Variants in ARHGAP15 observed in about 807,000 individuals in gnomAD.
ARHGAP15 encodes rho GTPase-activating protein 15.
A neutral mutation model predicts 63.7 loss-of-function variants in ARHGAP15; 51 were observed. That is an observed-to-expected ratio of 0.80 (90% confidence interval 0.64 to 1.01). ARHGAP15 has a LOEUF of 1.01. Among genes scored for constraint, ARHGAP15 ranks in the 50% least tolerant of loss-of-function variants. The pLI is 0.00. For missense variants in ARHGAP15, 560 were observed against 564.6 expected, an observed-to-expected ratio of 0.99 and a Z score of 0.08; for synonymous variants, 191 against 193.8, an observed-to-expected ratio of 0.99 and a Z score of 0.12.
intron 8 of ARHGAP15, among the ~76,000 whole-genome samples, chr2:143,442,923 A>T (rs72853734): frequency 0.09 from 13,648 of 152,240 alleles, 724 homozygotes; most frequent in African/African-American, 0.15. Flanking sequence ...AATATAAGTT[A>T]CATTAAGACC....
chr2:143,661,376 G>C (rs1308190653), intron 12 of ARHGAP15, among the ~76,000 whole-genome samples: 1 of 152,098 alleles, frequency 6.6e-6, no homozygotes, highest in Non-Finnish European at 1.5e-5. Flanking sequence ...ATAAACACTT[G>C]AAATGTGACA....
chr2:143,767,041 T>C (rs764517583), intron 13 of ARHGAP15, among the ~76,000 whole-genome samples: 6 of 152,200 alleles, frequency 3.9e-5, no homozygotes, highest in South Asian at 4.1e-4. Context: ...TTTTCTACAC[T>C]CTTATTTCCC....
At chr2:143,278,028 T>A (rs1681649712) in intron 6 of ARHGAP15, among the ~76,000 whole-genome samples, 1 of 152,180 alleles carries the variant, frequency 6.6e-6, no homozygotes, top group Non-Finnish European at 1.5e-5. Flanking sequence ...TTTATATTTT[T>A]TAAAATCCCA....
At chr2:143,206,023 A>G (rs527632281) in intron 3 of ARHGAP15, among the ~76,000 whole-genome samples, 3 of 152,130 alleles carry the variant, frequency 2.0e-5, no homozygotes, top group South Asian at 2.1e-4. Context: ...ATGGTCCCCA[A>G]TTTACGTTAT....
intron 12 of ARHGAP15, among the ~76,000 whole-genome samples, chr2:143,645,858 C>G (rs975453936): frequency 6.6e-6 from 1 of 152,040 alleles, no homozygotes; most frequent in Non-Finnish European, 1.5e-5. Flanking sequence ...TACATAATCT[C>G]TCTTGCAGAA....
chr2:143,132,248 C>T (rs186828926), intron 1 of ARHGAP15, among the ~76,000 whole-genome samples: 23 of 152,172 alleles, frequency 1.5e-4, no homozygotes, highest in African/African-American at 5.1e-4. Flanking sequence ...TGTTGGCAAA[C>T]GATAGAAAAT....
intron 6 of ARHGAP15, among the ~76,000 whole-genome samples, chr2:143,321,629 C>G (rs188474571): frequency 1.6e-3 from 241 of 152,308 alleles, no homozygotes; most frequent in Middle Eastern, 3.4e-3. Flanking sequence ...GGGCCTGGGC[C>G]CCATAATCTG....
At position 143,392,764 on chromosome 2, in the gene ARHGAP15, T is replaced by A. The variant is rs187538411; in HGVS notation, c.475-42837T>A. Among the ~76,000 whole-genome samples the A allele has an allele frequency of 1.3e-3, 200 of 152,320 alleles. 1 individual carries two copies. The highest frequency in any genetic ancestry group is 4.6e-3 in the African/African-American group (192 of 41,584). ...TTTTGGGAGTATAGAAAAAATTCTG[T>A]ACAGTACATATGTCTCTAATGATAT... On this transcript the variant is annotated intron_variant, in intron 6 of 13. Transcript: ENST00000295095.
intron 13 of ARHGAP15, among the ~76,000 whole-genome samples, chr2:143,724,183 A>G (rs569928260): frequency 6.6e-6 from 1 of 152,238 alleles, no homozygotes; most frequent in African/African-American, 2.4e-5. Context: ...CTTACATTAA[A>G]TCCAGTAGCT....
chr2:143,486,997 T>G (rs1692355386), intron 8 of ARHGAP15, among the ~76,000 whole-genome samples: 3 of 152,208 alleles, frequency 2.0e-5, no homozygotes, highest in African/African-American at 7.2e-5. Flanking sequence ...ATAATCATAT[T>G]TAATTGAAAT....
intron 6 of ARHGAP15, among the ~76,000 whole-genome samples, chr2:143,350,217 A>G (rs575309116): frequency 1.3e-5 from 2 of 152,220 alleles, no homozygotes; most frequent in East Asian, 3.9e-4. Flanking sequence ...AATTTTCAGC[A>G]TATTTTTTAA....
chr2:143,351,480 CCT>C (rs1299700992), intron 6 of ARHGAP15: 1 of 152,070 alleles, frequency 6.6e-6, no homozygotes, highest in East Asian at 1.9e-4. Context: ...TCAAATTCCA[CCT>C]TCATTAAGCA....
intron 2 of ARHGAP15, among the ~76,000 whole-genome samples, chr2:143,194,238 A>G (rs896968362): frequency 2.0e-5 from 3 of 152,202 alleles, no homozygotes; most frequent in African/African-American, 4.8e-5. Context: ...TATTTTAAAT[A>G]TAACATATGA....
chr2:143,477,845 G>A (rs1691896543), intron 8 of ARHGAP15, among the ~76,000 whole-genome samples: 1 of 152,208 alleles, frequency 6.6e-6, no homozygotes, highest in South Asian at 2.1e-4. Flanking sequence ...GAAGCAACCA[G>A]GAACAAAACA....
intron 13 of ARHGAP15, among the ~76,000 whole-genome samples, chr2:143,711,604 G>A (rs575391735): frequency 1.8e-3 from 274 of 152,302 alleles, no homozygotes; most frequent in African/African-American, 6.3e-3. Context: ...AAATTGTGAA[G>A]AATACCATAC....
At chr2:143,162,394 G>T (rs1318802426) in intron 2 of ARHGAP15, 1 of 151,994 alleles carries the variant, frequency 6.6e-6, no homozygotes, top group Non-Finnish European at 1.5e-5. Context: ...GTACAGAGAC[G>T]AAGGCACACT....
chr2:143,450,683 A>C (rs1042607684), intron 8 of ARHGAP15, among the ~76,000 whole-genome samples: 1 of 151,976 alleles, frequency 6.6e-6, no homozygotes, highest in Non-Finnish European at 1.5e-5. Context: ...TTTATAGAAA[A>C]TCAGAGGAAC....
At chr2:143,367,711 T>C (rs1195658069) in intron 6 of ARHGAP15, among the ~76,000 whole-genome samples, 1 of 152,026 alleles carries the variant, frequency 6.6e-6, no homozygotes, top group Non-Finnish European at 1.5e-5. Context: ...TAAATATCCC[T>C]TCATATCTGT....
intron 4 of ARHGAP15, among the ~76,000 whole-genome samples, chr2:143,221,790 T>C (rs767140401): frequency 5.3e-5 from 8 of 152,120 alleles, no homozygotes; most frequent in Non-Finnish European, 1.0e-4. Flanking sequence ...AAAGATATAC[T>C]TGGGGGTGAA....
Sources: allele counts gnomAD v4.1 joint callset (sites outside exome capture counted in the v4.1 genomes callset), GRCh38; gene constraint gnomAD v4.1.1; transcripts MANE v1.5; gene names NCBI Gene and HGNC (gene_info 2026-07-23, HGNC 2026-07-21).